SCEL: variants seen among roughly 807,000 people sequenced by gnomAD.
The protein encoded by SCEL is sciellin.
SCEL carries 113 observed loss-of-function variants against 117.6 expected under a neutral mutation model. The observed-to-expected ratio is 0.96, with a 90% CI of 0.83 to 1.12. SCEL has a LOEUF of 1.12. Among genes scored for constraint, SCEL ranks in the 50% most tolerant of loss-of-function variants. The pLI, the probability that SCEL is intolerant of heterozygous loss-of-function variation, is 0.00. For synonymous variants in SCEL, 270 were observed against 256.2 expected, an observed-to-expected ratio of 1.05 and a Z score of -0.51; for missense variants, 785 against 810.8, an observed-to-expected ratio of 0.97 and a Z score of 0.39.
chr13:77,641,704 T>C (rs2090564557), intron 31 of SCEL, among the ~76,000 whole-genome samples: 1 of 152,176 alleles, frequency 6.6e-6, no homozygotes, highest in African/African-American at 2.4e-5. Flanking sequence ...GCCAAATATA[T>C]GGTTTCTTTC....
intron 1 of SCEL, among the ~76,000 whole-genome samples, chr13:77,543,721 C>T (rs1593866213): frequency 6.6e-6 from 1 of 152,174 alleles, no homozygotes; most frequent in Non-Finnish European, 1.5e-5. Flanking sequence ...TGCATTAATT[C>T]GCTTAGGATA....
intron 1 of SCEL, among the ~76,000 whole-genome samples, chr13:77,550,404 A>G (rs1200342593): frequency 6.8e-6 from 1 of 148,060 alleles, no homozygotes; most frequent in East Asian, 1.9e-4. Flanking sequence ...ATATATATAT[A>G]TATATATATT....
chr13:77,571,024 G>T (rs1242353673), intron 8 of SCEL, among the ~76,000 whole-genome samples: 2 of 151,288 alleles, frequency 1.3e-5, no homozygotes, highest in Non-Finnish European at 3.0e-5. Flanking sequence ...TAGAGATGGG[G>T]TTTCACCATT....
At chr13:77,639,195 A>G (rs2090444055) in intron 30 of SCEL, among the ~76,000 whole-genome samples, 1 of 152,028 alleles carries the variant, frequency 6.6e-6, no homozygotes, top group South Asian at 2.1e-4. Flanking sequence ...TAGAGCACCT[A>G]TTTTCTACTC....
intron 4 of SCEL, 38 bp downstream of exon 4, chr13:77,559,901 C>G (rs150057585): frequency 3.9e-6 from 6 of 1,544,786 alleles, no homozygotes; most frequent in Non-Finnish European, 5.4e-6. Context: ...AGCAGAAACA[C>G]AAAGATGGTA....
At chr13:77,543,722 G>A (rs545720467) in intron 1 of SCEL, among the ~76,000 whole-genome samples, 10 of 152,128 alleles carry the variant, frequency 6.6e-5, no homozygotes, top group African/African-American at 2.2e-4. Flanking sequence ...GCATTAATTC[G>A]CTTAGGATAA....
At chr13:77,612,443 G>C (rs1309031661) in intron 22 of SCEL, among the ~76,000 whole-genome samples, 1 of 119,408 alleles carries the variant, frequency 8.4e-6, no homozygotes, top group South Asian at 2.7e-4. Flanking sequence ...GAAAATAACT[G>C]CTTTTTTCTT....
intron 22 of SCEL, among the ~76,000 whole-genome samples, chr13:77,612,689 T>A (rs1006209171): frequency 6.6e-6 from 1 of 151,858 alleles, no homozygotes; most frequent in African/African-American, 2.4e-5. Flanking sequence ...GAAACAAAAA[T>A]AAAACTAAAT....
intron 3 of SCEL, among the ~76,000 whole-genome samples, 174 bp downstream of exon 3, chr13:77,556,887 A>G (rs1300175949): frequency 1.3e-5 from 2 of 152,222 alleles, no homozygotes; most frequent in East Asian, 3.8e-4. Flanking sequence ...CAGAGTTTCA[A>G]GAATATTTCT....
rs1246155491 is a variant in SCEL, at chr13:77,643,712, GA to G, written c.2051-539del. Among the ~76,000 whole-genome samples, 11 of 152,040 alleles carry G rather than the reference GA, an allele frequency of 7.2e-5. No individual in the cohort carries two copies. The South Asian group carries it at 1.7e-3, about 23-fold the overall frequency. Reference sequence around the variant, plus strand: ...GGAGACTACATCCAGAAAATGCTCTGAAAAAAATATCAGAAACCCACGTTCC... The same window carrying G: ...GGAGACTACATCCAGAAAATGCTCTGAAAAAATATCAGAAACCCACGTTCC... On this transcript the variant is annotated intron_variant, in intron 32 of 32. Transcript: ENST00000349847.
chr13:77,573,697 T>A lies in SCEL; in HGVS notation c.545+1508T>A, dbSNP rs76874757. Among the ~76,000 whole-genome samples the A allele has an allele frequency of 5.1e-4, 77 of 152,124 alleles. No individual in the cohort carries two copies. In the East Asian group the frequency reaches 8.3e-3, roughly 16 times the overall value. The stretch of plus-strand genomic sequence containing the variant: ...TCTATCTATCTGTCTATCTATCTAA[T>A]CTATCTCTGTCTGCTTGTCTGTCTA... On this transcript the variant is annotated intron_variant, in intron 9 of 32. Coordinates refer to ENST00000349847, the MANE Select transcript of SCEL (RefSeq NM_144777.3).
chr13:77,543,803 T>C (rs2083851262), intron 1 of SCEL, among the ~76,000 whole-genome samples: 1 of 152,166 alleles, frequency 6.6e-6, no homozygotes, highest in African/African-American at 2.4e-5. Context: ...CACTTTTTAG[T>C]CGAGTAAATT....
At chr13:77,560,138 C>G (rs557781220) in intron 4 of SCEL, among the ~76,000 whole-genome samples, 4 of 151,908 alleles carry the variant, frequency 2.6e-5, no homozygotes, top group Non-Finnish European at 5.9e-5. Flanking sequence ...CATAGAAACA[C>G]GATCATATCA....
intron 17 of SCEL, 96 bp downstream of exon 17, chr13:77,602,809 T>A (rs1285491942): frequency 1.9e-6 from 2 of 1,066,460 alleles, no homozygotes; most frequent in Non-Finnish European, 2.9e-6. Flanking sequence ...GCTTCTCTCT[T>A]CTGTGTCTAA....
chr13:77,635,999 A>T (rs1048417007), intron 29 of SCEL, among the ~76,000 whole-genome samples: 5 of 152,230 alleles, frequency 3.3e-5, no homozygotes, highest in African/African-American at 1.2e-4. Context: ...TTATAAAAAG[A>T]TAATATTAAT....
rs118014972 is a variant in SCEL at position 77,582,689 on chromosome 13, C to T, written c.546-6455C>T. Among the ~76,000 whole-genome samples the T allele has an allele frequency of 4.6e-3, 706 of 152,208 alleles. 4 individuals carry two copies. Among genetic ancestry groups the T allele is most frequent in the Non-Finnish European group, 6.8e-3 (465 of 68,012 alleles). On this transcript the variant is annotated intron_variant, in intron 9 of 32. Transcript: ENST00000349847. ...GTGGCTTGTTTTTCAATTCTCTTAA[C>T]GATGCACTTTTGAGAGCCAAAGTGT...
chr13:77,584,044 T>C (rs151228713), intron 9 of SCEL, among the ~76,000 whole-genome samples: 1 of 152,354 alleles, frequency 6.6e-6, no homozygotes, highest in East Asian at 1.9e-4. Context: ...GCATATATCC[T>C]GCAGGACCCT....
Position 77,550,823 on chromosome 13 carries a change from A to G in SCEL, c.-19-5034A>G, listed in dbSNP as rs546232222. Among the ~76,000 whole-genome samples the G allele has an allele frequency of 3.2e-4, 48 of 152,286 alleles. No homozygotes were observed. In the South Asian group the frequency reaches 5.4e-3, roughly 17 times the overall value. On this transcript the variant is annotated intron_variant, in intron 1 of 32. Coordinates refer to ENST00000349847, the MANE Select transcript of SCEL (RefSeq NM_144777.3). ...CTGTTATGTGCTACCATGACCATTC[A>G]TGTATAAGTTTTTGTGTGGACATGT... is the stretch of plus-strand genomic sequence containing the variant.
At chr13:77,573,957 G>A (rs1020640008) in intron 9 of SCEL, among the ~76,000 whole-genome samples, 3 of 152,088 alleles carry the variant, frequency 2.0e-5, no homozygotes, top group Non-Finnish European at 2.9e-5. Context: ...ATCTAAGTGG[G>A]GAAAATGTTG....
Sources: gnomAD v4.1 joint callset for allele counts (sites outside exome capture counted in the v4.1 genomes callset) on GRCh38, gnomAD v4.1.1 for gene constraint, MANE v1.5 for transcripts, NCBI Gene and HGNC (gene_info 2026-07-23, HGNC 2026-07-21) for gene names.